Variants in LPP observed in about 807,000 individuals in gnomAD.
LPP encodes lipoma-preferred partner.
In LPP, 38 loss-of-function variants were observed where a neutral mutation model predicts 60.4. The ratio of observed to expected loss-of-function variants is 0.63; its 90% CI spans 0.49 to 0.83. The LOEUF is 0.83. Ranked by LOEUF, LPP falls within the 40% of genes least tolerant of loss-of-function variation. The probability of loss-of-function intolerance (pLI) is 0.00; values close to 1 mark genes in which losing one functional copy is unlikely to be tolerated. For missense variants in LPP, 902 were observed against 783.6 expected (o/e 1.15, Z -1.80); for synonymous variants, 328 against 290.8 (o/e 1.13, Z -1.30).
At chr3:188,423,917 TGATA>T (rs749824145) in intron 4 of LPP, among the ~76,000 whole-genome samples, 43 of 152,124 alleles carry the variant, frequency 2.8e-4, no homozygotes, top group Non-Finnish European at 4.4e-4. Flanking sequence ...CTGTTCACTC[TGATA>T]GATAGTTTTT....
intron 7 of LPP, among the ~76,000 whole-genome samples, chr3:188,658,917 C>T (rs916949935): frequency 2.0e-5 from 3 of 152,168 alleles, no homozygotes; most frequent in African/African-American, 7.2e-5. Context: ...CCCATTTCCA[C>T]ACAACACTTA....
intron 6 of LPP, among the ~76,000 whole-genome samples, chr3:188,558,203 A>G (rs1159380144): frequency 6.6e-6 from 1 of 152,020 alleles, no homozygotes; most frequent in Non-Finnish European, 1.5e-5. Flanking sequence ...CCAGAACGAA[A>G]ACGCATGTAT....
chr3:188,327,198 C>A (rs1279381109), intron 2 of LPP, among the ~76,000 whole-genome samples: 4 of 152,170 alleles, frequency 2.6e-5, no homozygotes, highest in Admixed American at 2.0e-4. Flanking sequence ...GCCAGTACTC[C>A]TGGATACTTT....
At position 188,609,293 on chromosome 3, in the gene LPP, G is replaced by A; in HGVS notation, c.562G>A (p.Ala188Thr). 1 of 1,614,024 alleles carries A rather than the reference G, an allele frequency of 6.2e-7. No individual in the cohort carries two copies. The highest frequency in any genetic ancestry group is 8.5e-7 in the Non-Finnish European group (1 of 1,179,990). The stretch of plus-strand genomic sequence containing the variant: ...ATTGAAACCACAGCCTGCACCCCAG[G>A]CTGGACCCATCCCTGTGGCTCCAAT... ...STLKPQPAPQ[A>T]GPIPVAPIGT... The change falls in exon 7 of 12, where the codon GCT becomes ACT. Residue 188 changes from alanine (A) to threonine (T), a missense_variant. Coordinates refer to ENST00000617246, the MANE Select transcript of LPP (RefSeq NM_001375462.1). The surrounding 1 kb of genome is among the most constrained non-coding windows in gnomAD (Gnocchi z 6.9).
At chr3:188,190,148 T>C (rs1727755432) in intron 1 of LPP, among the ~76,000 whole-genome samples, 1 of 151,182 alleles carries the variant, frequency 6.6e-6, no homozygotes, top group East Asian at 2.0e-4. Context: ...CTCTGCCTCC[T>C]GGGTTCAAGC....
intron 2 of LPP, among the ~76,000 whole-genome samples, chr3:188,258,083 C>A (rs1195067059): frequency 6.6e-6 from 1 of 152,212 alleles, no homozygotes; most frequent in East Asian, 1.9e-4. Flanking sequence ...CATCTGCTGA[C>A]AGGCCCACGG....
intron 9 of LPP, among the ~76,000 whole-genome samples, chr3:188,852,621 C>T (rs1762923907): frequency 6.6e-6 from 1 of 152,156 alleles, no homozygotes. Context: ...CCTCTCTTGA[C>T]CTTCTGCCTT....
At chr3:188,460,107 A>T (rs1241937774) in intron 4 of LPP, among the ~76,000 whole-genome samples, 1 of 152,194 alleles carries the variant, frequency 6.6e-6, no homozygotes, top group African/African-American at 2.4e-5. Context: ...TTTTGGAGAA[A>T]AACAACAGCC....
intron 5 of LPP, among the ~76,000 whole-genome samples, chr3:188,493,591 G>A (rs560737083): frequency 4.6e-5 from 7 of 151,948 alleles, no homozygotes; most frequent in Non-Finnish European, 1.0e-4. Context: ...ACCATGCCCA[G>A]CTAATTTATT....
intron 2 of LPP, among the ~76,000 whole-genome samples, chr3:188,233,297 A>G (rs180889305): frequency 6.6e-6 from 1 of 152,266 alleles, no homozygotes; most frequent in East Asian, 1.9e-4. Flanking sequence ...ACTGGAAAGT[A>G]AGTGTTGATT....
At chr3:188,356,316 G>A (rs1207872570) in intron 3 of LPP, among the ~76,000 whole-genome samples, 4 of 152,214 alleles carry the variant, frequency 2.6e-5, no homozygotes, top group Middle Eastern at 3.4e-3. Context: ...TCACTAGTTC[G>A]TGGATCACAC....
intron 6 of LPP, among the ~76,000 whole-genome samples, chr3:188,526,692 C>T (rs1820681109): frequency 6.6e-6 from 1 of 152,196 alleles, no homozygotes; most frequent in African/African-American, 2.4e-5. Flanking sequence ...TTAGCTCTTC[C>T]TCACTGACCC....
chr3:188,199,020 A>G (rs773957897), intron 1 of LPP, among the ~76,000 whole-genome samples: 6 of 152,150 alleles, frequency 3.9e-5, no homozygotes, highest in Admixed American at 2.0e-4. Flanking sequence ...GTGCTCCACA[A>G]TGCCTGGGAT....
chr3:188,672,551 G>A (rs1467904291), intron 7 of LPP, among the ~76,000 whole-genome samples: 1 of 152,148 alleles, frequency 6.6e-6, no homozygotes, highest in African/African-American at 2.4e-5. Flanking sequence ...TGGAGGGGGT[G>A]GTGGGGATAG....
chr3:188,258,023 A>G (rs1449214000), intron 2 of LPP, among the ~76,000 whole-genome samples: 1 of 152,184 alleles, frequency 6.6e-6, no homozygotes, highest in East Asian at 1.9e-4. Context: ...GAGCCCTACT[A>G]ACAAGGTGTC....
intron 1 of LPP, among the ~76,000 whole-genome samples, chr3:188,210,658 T>C (rs1734447990): frequency 6.6e-6 from 1 of 152,176 alleles, no homozygotes; most frequent in Non-Finnish European, 1.5e-5. Context: ...GTTTGCAAGA[T>C]GGAGGGTACG....
chr3:188,369,955 G>C lies in LPP; in HGVS notation c.-10+28236G>C, dbSNP rs1772499912. Among the ~76,000 whole-genome samples the C allele has an allele frequency of 2.6e-5, 4 of 152,176 alleles. No homozygotes were observed. The South Asian group carries it at 8.3e-4, about 31-fold the overall frequency. On this transcript the variant is annotated intron_variant, in intron 3 of 11. Coordinates refer to ENST00000617246, the MANE Select transcript of LPP (RefSeq NM_001375462.1). ...TATTTATTTATTTATCTGAGACAGA[G>C]TCTCTCTCTGTTGCCCAGGCTGGAG...
At chr3:188,273,716 C>A (rs1738656623) in intron 2 of LPP, among the ~76,000 whole-genome samples, 1 of 150,808 alleles carries the variant, frequency 6.6e-6, no homozygotes, top group African/African-American at 2.4e-5. Flanking sequence ...GTGCCTCAGC[C>A]TCCCTAGTAG....
chr3:188,781,654 T>C (rs952619351), intron 9 of LPP, among the ~76,000 whole-genome samples: 7 of 150,872 alleles, frequency 4.6e-5, no homozygotes, highest in Non-Finnish European at 1.0e-4. Context: ...GAGGCCGAGG[T>C]GGGTGGATCA....
Sources: gnomAD v4.1 joint callset for allele counts (sites outside exome capture counted in the v4.1 genomes callset) on GRCh38, gnomAD v4.1.1 for gene constraint, Gnocchi (gnomAD v3.1) non-coding constraint, MANE v1.5 for transcripts, NCBI Gene and HGNC (gene_info 2026-07-23, HGNC 2026-07-21) for gene names.